The following MACROD2 variants were observed in gnomAD, a reference collection of about 807,000 sequenced individuals.
MACROD2 encodes mono-ADP ribosylhydrolase 2, also known as ADP-ribose glycohydrolase MACROD2.
MACROD2 carries 36 observed loss-of-function variants against 70.4 expected under a neutral mutation model. That is an observed-to-expected ratio of 0.51 (90% CI 0.39 to 0.68). MACROD2 has a LOEUF of 0.68. MACROD2 is among the 30% of genes least tolerant of loss of function. The pLI is 0.00. For synonymous variants in MACROD2, 172 were observed against 178.8 expected (o/e 0.96, Z 0.30); for missense variants, 496 against 538.4 (o/e 0.92, Z 0.78).
intron 15 of MACROD2, among the ~76,000 whole-genome samples, chr20:16,021,255 A>C (rs1422257818): frequency 6.6e-6 from 1 of 152,206 alleles, no homozygotes; most frequent in Non-Finnish European, 1.5e-5. Flanking sequence ...CACAGCCTCC[A>C]TGACTCATGA....
At chr20:14,504,417 C>G (rs1163585333) in intron 4 of MACROD2, among the ~76,000 whole-genome samples, 1 of 152,196 alleles carries the variant, frequency 6.6e-6, no homozygotes, top group African/African-American at 2.4e-5. Flanking sequence ...AGCAAAGACT[C>G]TCTCCAACTC....
At chr20:15,390,432 TC>T (rs2146292614) in intron 6 of MACROD2, among the ~76,000 whole-genome samples, 2 of 152,342 alleles carry the variant, frequency 1.3e-5, no homozygotes, top group East Asian at 3.9e-4. Flanking sequence ...TTTCCTTGAT[TC>T]ATTTTTCTCT....
chr20:15,593,483 C>T (rs1466975914), intron 8 of MACROD2, among the ~76,000 whole-genome samples: 1 of 152,340 alleles, frequency 6.6e-6, no homozygotes, highest in South Asian at 2.1e-4. Context: ...AAACTACCCT[C>T]ATAACAAAGG....
chr20:14,192,516 C>T (rs954878807), intron 3 of MACROD2, among the ~76,000 whole-genome samples: 1 of 152,142 alleles, frequency 6.6e-6, no homozygotes, highest in Non-Finnish European at 1.5e-5. Flanking sequence ...GGAAGAGGCA[C>T]TGGTCCTACA....
intron 5 of MACROD2, among the ~76,000 whole-genome samples, chr20:14,788,070 A>G (rs1191268381): frequency 6.6e-6 from 1 of 152,128 alleles, no homozygotes; most frequent in Non-Finnish European, 1.5e-5. Flanking sequence ...TTGAAGTACC[A>G]TTCAGCCTGT....
chr20:14,387,083 A>G (rs1418100448), intron 3 of MACROD2, among the ~76,000 whole-genome samples: 2 of 152,148 alleles, frequency 1.3e-5, no homozygotes, highest in African/African-American at 2.4e-5. Flanking sequence ...TTTTTTGTCC[A>G]TAGTTTTCTT....
At chr20:15,096,250 C>T (rs1192833927) in intron 5 of MACROD2, among the ~76,000 whole-genome samples, 1 of 152,026 alleles carries the variant, frequency 6.6e-6, no homozygotes, top group Non-Finnish European at 1.5e-5. Flanking sequence ...ACTCAAGGTG[C>T]AATCATCAGT....
At chr20:15,830,560 G>A (rs1272917619) in intron 8 of MACROD2, among the ~76,000 whole-genome samples, 1 of 152,194 alleles carries the variant, frequency 6.6e-6, no homozygotes, top group African/African-American at 2.4e-5. Flanking sequence ...ATGAGGAGCG[G>A]AAGTACCCAA....
At chr20:13,996,135 G>A (rs1420830394) in intron 1 of MACROD2, among the ~76,000 whole-genome samples, 1 of 150,192 alleles carries the variant, frequency 6.7e-6, no homozygotes, top group Non-Finnish European at 1.5e-5. Flanking sequence ...AGCCCCGGGC[G>A]CGGCACAAGT....
chr20:14,924,781 G>A (rs937903597), intron 5 of MACROD2, among the ~76,000 whole-genome samples: 2 of 152,112 alleles, frequency 1.3e-5, no homozygotes, highest in African/African-American at 4.8e-5. Context: ...AAGAGACACA[G>A]ATGAAAGTGA....
chr20:15,339,044 G>A (rs1343529221), intron 6 of MACROD2, among the ~76,000 whole-genome samples: 1 of 151,592 alleles, frequency 6.6e-6, no homozygotes, highest in Admixed American at 6.6e-5. Context: ...ATTATAGCTG[G>A]CCTCTAGCAA....
At chr20:15,591,586 TAAAAAAAAAAA>T (rs11471295) in intron 8 of MACROD2, among the ~76,000 whole-genome samples, 4 of 65,112 alleles carry the variant, frequency 6.1e-5, no homozygotes, top group African/African-American at 2.9e-4. Flanking sequence ...AAGCCAGTAC[TAAAAAAAAAAA>T]AAAAAAAAAA....
At chr20:15,624,922 T>C (rs2049181328) in intron 8 of MACROD2, among the ~76,000 whole-genome samples, 1 of 152,242 alleles carries the variant, frequency 6.6e-6, no homozygotes, top group African/African-American at 2.4e-5. Context: ...TTACACCTCA[T>C]TGATATAAGT....
intron 3 of MACROD2, among the ~76,000 whole-genome samples, chr20:14,207,512 T>C (rs926990023): frequency 1.1e-4 from 17 of 152,172 alleles, no homozygotes; most frequent in African/African-American, 4.1e-4. Flanking sequence ...ATGGTTTCAG[T>C]TGTTTCTGGA....
intron 5 of MACROD2, among the ~76,000 whole-genome samples, chr20:14,721,254 C>CAAAAAAAAAAAAA (rs200181158): frequency 2.2e-5 from 2 of 90,276 alleles, no homozygotes; most frequent in African/African-American, 4.3e-5. Flanking sequence ...GACCCCATCT[C>CAAAAAAAAAAAAA]AAAAAAAAAA....
At chr20:14,953,466 C>T (rs2074491775) in intron 5 of MACROD2, among the ~76,000 whole-genome samples, 1 of 152,024 alleles carries the variant, frequency 6.6e-6, no homozygotes, top group Non-Finnish European at 1.5e-5. Context: ...GCCACCACGC[C>T]CAGCTAATTT....
chr20:15,829,863 C>T (rs1433979948), intron 8 of MACROD2, among the ~76,000 whole-genome samples: 3 of 152,128 alleles, frequency 2.0e-5, no homozygotes, highest in Non-Finnish European at 4.4e-5. Flanking sequence ...ATTTAACTAA[C>T]TCAGCCTAGA....
chr20:14,650,494 A>G (rs112408928), intron 4 of MACROD2, among the ~76,000 whole-genome samples: 5 of 152,318 alleles, frequency 3.3e-5, no homozygotes, highest in South Asian at 2.1e-4. Context: ...TAAATTATCA[A>G]TGGTTCTTCT....
chr20:15,998,567 T>C (rs1224418347), intron 15 of MACROD2, among the ~76,000 whole-genome samples: 5 of 58,578 alleles, frequency 8.5e-5, no homozygotes, highest in South Asian at 1.1e-3. Flanking sequence ...GTTCTCTCTT[T>C]TTTTTTTTTT....
Sources: gnomAD v4.1 joint callset for allele counts (sites outside exome capture counted in the v4.1 genomes callset) on GRCh38, gnomAD v4.1.1 for gene constraint, MANE v1.5 for transcripts, NCBI Gene and HGNC (gene_info 2026-07-23, HGNC 2026-07-21) for gene names.